The following FUT8 variants were observed in gnomAD, a reference collection of about 807,000 sequenced individuals.
FUT8 encodes alpha-(1,6)-fucosyltransferase.
A neutral mutation model predicts 71.3 loss-of-function variants in FUT8; 29 were observed. That is an observed-to-expected ratio of 0.41 (90% CI 0.30 to 0.55). The LOEUF (loss-of-function observed/expected upper bound fraction) is 0.55. FUT8 is among the 20% of genes least tolerant of loss of function. FUT8 has a pLI of 0.34. For missense variants in FUT8, 544 were observed against 702.1 expected (o/e 0.77, Z 2.55); for synonymous variants, 254 against 239.3 (o/e 1.06, Z -0.57).
chr14:65,606,386 T>G (rs1327590346), intron 3 of FUT8, among the ~76,000 whole-genome samples: 1 of 151,786 alleles, frequency 6.6e-6, no homozygotes, highest in African/African-American at 2.4e-5. Context: ...CCAAAAATTT[T>G]TAAGTTTTAA....
intron 3 of FUT8, among the ~76,000 whole-genome samples, chr14:65,595,193 A>T (rs548911478): frequency 3.8e-4 from 58 of 152,250 alleles, no homozygotes; most frequent in African/African-American, 1.3e-3. Context: ...CTGGCACCTT[A>T]TATTTACTGT....
chr14:65,469,508 G>T lies in FUT8; in HGVS notation c.-228+13790G>T, dbSNP rs907665138. Among the ~76,000 whole-genome samples, 3 of 152,292 alleles carry T rather than the reference G, an allele frequency of 2.0e-5. No homozygotes were observed. In the East Asian group the frequency reaches 5.8e-4, roughly 29 times the overall value. Reference sequence around the variant, plus strand: ...TCTAGAAACCTCTGTGGCCAGTGGCGCCTTTGCCCGAGTTCTTGTCCTGTG... The same window carrying T: ...TCTAGAAACCTCTGTGGCCAGTGGCTCCTTTGCCCGAGTTCTTGTCCTGTG... On this transcript the variant is annotated intron_variant, in intron 2 of 10. Coordinates refer to ENST00000673929, the MANE Select transcript of FUT8 (RefSeq NM_001371533.1).
At position 65,584,426 on chromosome 14, in the gene FUT8, C is replaced by G. The variant is rs939896135; in HGVS notation, c.203+22660C>G. Among the ~76,000 whole-genome samples the G allele has an allele frequency of 1.2e-4, 19 of 152,238 alleles. 1 individual carries two copies. In the Middle Eastern group the frequency reaches 0.01, roughly 82 times the overall value. ...AACTCCTGACCTCAGGTCATCTGCC[C>G]GCCTCGGCCTCCCAAAGGGCTGGGA... On this transcript the variant is annotated intron_variant, in intron 3 of 10. Coordinates refer to ENST00000673929, the MANE Select transcript of FUT8 (RefSeq NM_001371533.1).
rs1246258526 is a variant in FUT8 at position 65,669,131 on chromosome 14, A to G, written c.598-112A>G. On this transcript the variant is annotated intron_variant, in intron 6 of 10. Coordinates refer to ENST00000673929, the MANE Select transcript of FUT8 (RefSeq NM_001371533.1). The surrounding 1 kb of genome is among the most constrained non-coding windows in gnomAD (Gnocchi z 4.5). The stretch of plus-strand genomic sequence containing the variant: ...AAACCCCACGACACACAATTTATCT[A>G]TAGAACAAACCTGCATGTGTACCCC... 9.4e-6 allele frequency: 7 copies of G among 743,468 alleles called. No homozygotes were observed. Among genetic ancestry groups the G allele is most frequent in the Middle Eastern group, 3.9e-4 (1 of 2,544 alleles). 46.1% of individuals were successfully genotyped at this position (743,468 alleles called of 1,614,324 possible). A position where few individuals can be genotyped will look rare whatever the true frequency, so the allele number is the denominator to read the frequency against.
At chr14:65,647,346 C>G (rs1891167592) in intron 6 of FUT8, among the ~76,000 whole-genome samples, 2 of 152,104 alleles carry the variant, frequency 1.3e-5, no homozygotes, top group Non-Finnish European at 2.9e-5. Context: ...TTTCTGTATG[C>G]TTAGTATTAT....
At chr14:65,409,088 T>C (rs1213105115), upstream of FUT8, among the ~76,000 whole-genome samples, 1 of 152,230 alleles carries the variant, frequency 6.6e-6, no homozygotes, top group Non-Finnish European at 1.5e-5. The surrounding 1 kb of genome is among the most constrained non-coding windows in gnomAD (Gnocchi z 5.4). Context: ...CCAACCCTTT[T>C]ATTTTACAAA....
chr14:65,682,889 T>G (rs1893102062), intron 7 of FUT8, among the ~76,000 whole-genome samples: 1 of 152,206 alleles, frequency 6.6e-6, no homozygotes, highest in Admixed American at 6.5e-5. Flanking sequence ...AAGTTATTTT[T>G]TAAGCTGTAA....
At chr14:65,451,305 G>T (rs552653760) in intron 1 of FUT8, among the ~76,000 whole-genome samples, 5 of 152,228 alleles carry the variant, frequency 3.3e-5, no homozygotes, top group African/African-American at 1.2e-4. Flanking sequence ...TCTGCCCCTC[G>T]CAGGAGGGAG....
chr14:65,597,196 C>G (rs1036598792), intron 3 of FUT8, among the ~76,000 whole-genome samples: 1 of 95,004 alleles, frequency 1.1e-5, no homozygotes, highest in African/African-American at 3.8e-5. Flanking sequence ...CGGTAAGACT[C>G]TTACTAAAGT....
chr14:65,451,948 C>G (rs1378088030), intron 1 of FUT8, among the ~76,000 whole-genome samples: 5 of 152,154 alleles, frequency 3.3e-5, no homozygotes, highest in Admixed American at 3.3e-4. Flanking sequence ...GATATAAGCT[C>G]TCACTTTGGG....
At chr14:65,613,758 G>C (rs1889129710) in intron 3 of FUT8, among the ~76,000 whole-genome samples, 1 of 152,118 alleles carries the variant, frequency 6.6e-6, no homozygotes, top group Non-Finnish European at 1.5e-5. Context: ...GGCTTTATCA[G>C]GTTATATAGA....
chr14:65,521,980 A>G (rs1203213663), intron 2 of FUT8, among the ~76,000 whole-genome samples: 1 of 152,202 alleles, frequency 6.6e-6, no homozygotes, highest in Non-Finnish European at 1.5e-5. Context: ...ATGTCATTAA[A>G]TAGAATGACT....
the FUT8 span, among the ~76,000 whole-genome samples, chr14:65,371,638 G>A: frequency 6.6e-6 from 1 of 152,180 alleles, no homozygotes; most frequent in Admixed American, 6.5e-5. Context: ...TGCTCAAATT[G>A]TTTCCAGCTT....
intron 7 of FUT8, among the ~76,000 whole-genome samples, chr14:65,701,875 C>T (rs867587236): frequency 6.6e-6 from 1 of 152,168 alleles, no homozygotes; most frequent in Non-Finnish European, 1.5e-5. Context: ...GGAGTAGCCA[C>T]CTCGCCTCTC....
intron 5 of FUT8, chr14:65,617,114 A>C: frequency 6.3e-7 from 1 of 1,598,532 alleles, no homozygotes; most frequent in South Asian, 1.1e-5. Context: ...TTACTGTCTC[A>C]TTAGTGAACA....
chr14:65,367,945 T>G, the FUT8 span, among the ~76,000 whole-genome samples: 18 of 152,256 alleles, frequency 1.2e-4, no homozygotes, highest in African/African-American at 4.3e-4. Flanking sequence ...AGAAAGTATC[T>G]TTATAGCAGT....
At chr14:65,598,411 C>T (rs778653574) in intron 3 of FUT8, among the ~76,000 whole-genome samples, 7 of 152,126 alleles carry the variant, frequency 4.6e-5, no homozygotes, top group South Asian at 2.1e-4. Context: ...TTAATAGAGA[C>T]GGGGTTTCGC....
chr14:65,633,009 C>G (rs138087988), intron 6 of FUT8, among the ~76,000 whole-genome samples: 21 of 145,960 alleles, frequency 1.4e-4, no homozygotes, highest in Admixed American at 3.4e-4. Flanking sequence ...TCCCCTCCCC[C>G]CCCCCGTCTC....
At chr14:65,429,313 A>G (rs1253365472) in intron 1 of FUT8, among the ~76,000 whole-genome samples, 1 of 152,172 alleles carries the variant, frequency 6.6e-6, no homozygotes, top group Non-Finnish European at 1.5e-5. Flanking sequence ...TTTTTACCCA[A>G]CATACTAGAG....
Sources: allele counts gnomAD v4.1 joint callset (sites outside exome capture counted in the v4.1 genomes callset), GRCh38; gene constraint gnomAD v4.1.1; non-coding constraint Gnocchi (gnomAD v3.1); transcripts MANE v1.5; gene names NCBI Gene and HGNC (gene_info 2026-07-23, HGNC 2026-07-21).